The following STYXL1 variants were observed in gnomAD, a reference collection of about 807,000 sequenced individuals.
STYXL1 encodes the protein serine/threonine/tyrosine interacting like 1.
Under a neutral mutation model 36.4 loss-of-function variants are expected in STYXL1, and 32 were observed. The ratio of observed to expected loss-of-function variants is 0.88; its 90% CI spans 0.66 to 1.18. The LOEUF is 1.18. Among genes scored for constraint, STYXL1 ranks in the 50% most tolerant of loss-of-function variants. The pLI is 0.00. For synonymous variants in STYXL1, 133 were observed against 144.1 expected (o/e 0.92, Z 0.55); for missense variants, 354 against 394.1 (o/e 0.90, Z 0.86).
At chr7:76,008,814 T>C (rs1792163720) in intron 5 of STYXL1, among the ~76,000 whole-genome samples, 1 of 152,170 alleles carries the variant, frequency 6.6e-6, no homozygotes, top group Admixed American at 6.6e-5. Context: ...AAGACCAGCC[T>C]GGCCAACATA....
At chr7:75,997,495 G>A (rs561882534) in intron 8 of STYXL1, among the ~76,000 whole-genome samples, 1 of 152,250 alleles carries the variant, frequency 6.6e-6, no homozygotes, top group South Asian at 2.1e-4. Flanking sequence ...GAAGCCCACA[G>A]CTAACATCAC....
intron 5 of STYXL1, among the ~76,000 whole-genome samples, chr7:76,007,993 G>GTT (rs778409188): frequency 2.5e-4 from 38 of 151,446 alleles, no homozygotes; most frequent in Non-Finnish European, 4.6e-4. Context: ...GAGGTCAGGA[G>GTT]TTTGAGACCA....
intron 4 of STYXL1, among the ~76,000 whole-genome samples, chr7:76,017,472 A>G (rs1793513330): frequency 6.6e-6 from 1 of 152,142 alleles, no homozygotes; most frequent in Non-Finnish European, 1.5e-5. Context: ...AAAACCAGAT[A>G]CCACATGTTC....
intron 1 of STYXL1, among the ~76,000 whole-genome samples, chr7:76,041,175 T>C (rs1251514729): frequency 8.6e-5 from 11 of 127,964 alleles, no homozygotes; most frequent in African/African-American, 1.8e-4. Context: ...TCCCCCCATC[T>C]CCAAAAAAAA....
At chr7:76,012,798 C>CT (rs1563479410) in intron 5 of STYXL1, among the ~76,000 whole-genome samples, 1 of 152,218 alleles carries the variant, frequency 6.6e-6, no homozygotes, top group South Asian at 2.1e-4. Context: ...TCCCCAAGTG[C>CT]TAGGCTTATA....
chr7:76,019,845 G>C lies in STYXL1; in HGVS notation c.307+2006C>G, dbSNP rs939935963. ...ATGGTGGCTCATGCCTGTAATCCAT[G>C]CACTTTGAGAGGCCAATGCAAGAGA... On this transcript the variant is annotated intron_variant, in intron 4 of 8. Coordinates refer to ENST00000359697, the MANE Select transcript of STYXL1 (RefSeq NM_001317785.2). Among the ~76,000 whole-genome samples, 7 of 150,358 alleles carry C rather than the reference G, an allele frequency of 4.7e-5. No homozygotes were observed. In the East Asian group the frequency reaches 1.4e-3, roughly 30 times the overall value.
At chr7:76,020,353 C>T (rs1441040763) in intron 4 of STYXL1, among the ~76,000 whole-genome samples, 4 of 152,222 alleles carry the variant, frequency 2.6e-5, no homozygotes, top group African/African-American at 9.6e-5. Context: ...ACGGCACCCA[C>T]AGGTGCAGTT....
rs1388353505 is a variant in STYXL1 at position 76,022,874 on chromosome 7, C to T, written c.166-882G>A. 2.6e-5 allele frequency among the ~76,000 whole-genome samples: 4 copies of T among 152,184 alleles called. No individual in the cohort carries two copies. In the South Asian group the frequency reaches 6.2e-4, roughly 24 times the overall value. ...CCCTGGAGTTCAAAGCTGCAGTGAGCTATGATTGCACCACTGCACTCCAGC... is the reference window on the plus strand; with the variant it reads ...CCCTGGAGTTCAAAGCTGCAGTGAGTTATGATTGCACCACTGCACTCCAGC... On this transcript the variant is annotated intron_variant, in intron 3 of 8. Transcript: ENST00000359697.
chr7:76,027,076 AAAG>A (rs1219218790), intron 3 of STYXL1, among the ~76,000 whole-genome samples: 3 of 151,876 alleles, frequency 2.0e-5, no homozygotes, highest in Non-Finnish European at 2.9e-5. Flanking sequence ...AGAAAAAAAA[AAAG>A]AATAAAGAAA....
intron 4 of STYXL1, among the ~76,000 whole-genome samples, chr7:76,017,757 C>T (rs1020233911): frequency 2.0e-5 from 3 of 149,412 alleles, no homozygotes; most frequent in African/African-American, 4.9e-5. Flanking sequence ...TGGGGTGGTG[C>T]GCACCTGTAT....
intron 5 of STYXL1, among the ~76,000 whole-genome samples, chr7:76,006,097 C>T (rs1481163602): frequency 2.0e-5 from 3 of 151,942 alleles, no homozygotes; most frequent in Non-Finnish European, 4.4e-5. Context: ...GATACAGGGT[C>T]TCTCACTCTG....
chr7:76,020,307 C>G (rs902110010), intron 4 of STYXL1, among the ~76,000 whole-genome samples: 1 of 152,158 alleles, frequency 6.6e-6, no homozygotes, highest in African/African-American at 2.4e-5. Context: ...TAGCGCCACC[C>G]CGTGGCAGTT....
At chr7:76,016,907 T>C (rs1390099512) in intron 4 of STYXL1, among the ~76,000 whole-genome samples, 10 of 152,112 alleles carry the variant, frequency 6.6e-5, no homozygotes, top group Admixed American at 4.6e-4. Flanking sequence ...AGAAAATATA[T>C]TGTTACACCA....
In STYXL1 at chr7:75,996,411, C is replaced by T. The variant is rs1554563960; in HGVS notation, c.*57G>A. ...GGGTATACACACTCTGGCCCTCCAC[C>T]CACAAAATGCCCCCAGGTGAGGCTC... On this transcript the variant is annotated 3_prime_UTR_variant, in exon 9 of 9. Coordinates refer to ENST00000359697, the MANE Select transcript of STYXL1 (RefSeq NM_001317785.2). 5 of 1,613,690 alleles carry T rather than the reference C, an allele frequency of 3.1e-6. No homozygotes were observed. Among genetic ancestry groups the T allele is most frequent in the Admixed American group, 1.7e-5 (1 of 60,012 alleles).
Position 76,036,383 on chromosome 7 carries a change from G to T in STYXL1, c.-4-5856C>A, listed in dbSNP as rs1415376072. On this transcript the variant is annotated intron_variant, in intron 1 of 8. Coordinates refer to ENST00000359697, the MANE Select transcript of STYXL1 (RefSeq NM_001317785.2). The stretch of plus-strand genomic sequence containing the variant: ...CCCAAAGTGCTGGGATTACAGGCGT[G>T]AGCCACCACGCCTGGTCCCTGGAGA... Among the ~76,000 whole-genome samples the T allele has an allele frequency of 4.7e-5, 7 of 150,104 alleles. 1 individual carries two copies. Among genetic ancestry groups the T allele is most frequent in the African/African-American group, 1.7e-4 (7 of 41,078 alleles).
In STYXL1 at chr7:76,030,446, T is replaced by C. The variant is rs369702591; in HGVS notation, c.78A>G (p.Thr26=). 4.5e-5 allele frequency: 73 copies of C among 1,613,736 alleles called. No individual in the cohort carries two copies. In the African/African-American group the frequency reaches 8.8e-4, roughly 19 times the overall value. Residue 26 remains threonine, a synonymous_variant, in exon 2 of 9, where the codon ACA becomes ACG. Coordinates refer to ENST00000359697, the MANE Select transcript of STYXL1 (RefSeq NM_001317785.2). ...LNQATKLSRL[T]DPNYLCLLDV... ...CCAATAAACAGAGATAGTTGGGGTCTGTTAATCTGGAGAGTTTTGTGGCCT... is the reference window on the plus strand; with the variant it reads ...CCAATAAACAGAGATAGTTGGGGTCCGTTAATCTGGAGAGTTTTGTGGCCT...
intron 1 of STYXL1, chr7:76,045,917 T>C (rs1796906820): frequency 6.6e-6 from 1 of 152,126 alleles, no homozygotes; most frequent in Non-Finnish European, 1.5e-5. Context: ...TGGCAAGACT[T>C]AATACCTGGC....
At chr7:76,016,677 A>G (rs546332758) in intron 4 of STYXL1, among the ~76,000 whole-genome samples, 10 of 152,254 alleles carry the variant, frequency 6.6e-5, no homozygotes, top group Admixed American at 2.6e-4. Context: ...AATCAAAACC[A>G]CAATGAGATA....
At chr7:76,003,680 GC>G in intron 7 of STYXL1, 77 bp downstream of exon 7, 1 of 1,301,590 alleles carries the variant, frequency 7.7e-7, no homozygotes, top group Non-Finnish European at 1.1e-6. Context: ...TCCAGAATAA[GC>G]CTGTGAAGGA....
Sources: gnomAD v4.1 joint callset for allele counts (sites outside exome capture counted in the v4.1 genomes callset) on GRCh38, gnomAD v4.1.1 for gene constraint, MANE v1.5 for transcripts, NCBI Gene and HGNC (gene_info 2026-07-23, HGNC 2026-07-21) for gene names.